Variants in IL12RB2 observed in about 807,000 individuals in gnomAD.
IL12RB2 encodes the protein interleukin-12 receptor subunit beta-2.
A neutral mutation model predicts 89.4 loss-of-function variants in IL12RB2; 82 were observed. That is an observed-to-expected ratio of 0.92 (90% CI 0.77 to 1.10). IL12RB2 has a LOEUF of 1.10. IL12RB2 is among the 50% of genes least tolerant of loss of function. The pLI is 0.00. For missense variants in IL12RB2, 963 were observed against 1,031.9 expected (o/e 0.93, Z 0.92); for synonymous variants, 368 against 370.1 (o/e 0.99, Z 0.07).
In IL12RB2 at chr1:67,396,514, C is replaced by T. The variant is rs72932861; in HGVS notation, c.*425C>T. 1,485 of 241,554 alleles carry T rather than the reference C, an allele frequency of 6.1e-3. 19 individuals carry two copies. Among genetic ancestry groups the T allele is most frequent in the African/African-American group, 0.031 (1,389 of 45,098 alleles). The allele number at this position is 241,554 out of a possible 1,614,324, so 15.0% of individuals were successfully genotyped here. ...TACACAGCAGATCAGTACTGTTCAA[C>T]AGAACTTCCTGAGATGATGGAAATG... On this transcript the variant is annotated 3_prime_UTR_variant, in exon 17 of 17. Coordinates refer to ENST00000674203, the MANE Select transcript of IL12RB2 (RefSeq NM_001374259.2).
At chr1:67,344,608 T>C (rs12562334) in intron 9 of IL12RB2, among the ~76,000 whole-genome samples, 69,852 of 152,118 alleles carry the variant, frequency 0.46, 18,526 homozygotes, top group Non-Finnish European at 0.58. Flanking sequence ...ATACATTTTA[T>C]CTAACCCAGT....
Position 67,380,813 on chromosome 1 carries a change from C to T in IL12RB2, c.1855+690C>T, listed in dbSNP as rs79411372. Among the ~76,000 whole-genome samples the T allele has an allele frequency of 3.4e-3, 518 of 152,306 alleles. 17 individuals are homozygous for T. The East Asian group carries it at 0.073, about 22-fold the overall frequency. On this transcript the variant is annotated intron_variant, in intron 14 of 16. Coordinates refer to ENST00000674203, the MANE Select transcript of IL12RB2 (RefSeq NM_001374259.2). ...TTGATATTACTTGGCTTGTAGGTCT[C>T]TGCTTTCATCTGGCATTCTCCATGT...
chr1:67,390,619 T>C (rs1460478779), intron 16 of IL12RB2, among the ~76,000 whole-genome samples: 2 of 152,010 alleles, frequency 1.3e-5, no homozygotes, highest in Admixed American at 6.6e-5. Flanking sequence ...CATCATTCCA[T>C]TGTGCAAAGA....
chr1:67,344,098 G>A (rs963534039), intron 9 of IL12RB2, among the ~76,000 whole-genome samples: 4 of 152,072 alleles, frequency 2.6e-5, no homozygotes, highest in African/African-American at 4.8e-5. Context: ...GGTTGAGCTC[G>A]CCTAGTGGAG....
Position 67,387,515 on chromosome 1 carries a change from A to G in IL12RB2, c.1946+846A>G, listed in dbSNP as rs533268272. 4.6e-5 allele frequency among the ~76,000 whole-genome samples: 7 copies of G among 151,016 alleles called. No homozygotes were observed. In the South Asian group the frequency reaches 1.5e-3, roughly 32 times the overall value. On this transcript the variant is annotated intron_variant, in intron 15 of 16. Coordinates refer to ENST00000674203, the MANE Select transcript of IL12RB2 (RefSeq NM_001374259.2). ...CAGGAGATGGAGACCATCCTGGCCA[A>G]CATGTTGAAACCCCATCTCTACTAA...
At chr1:67,353,929 T>G (rs1244543040) in intron 10 of IL12RB2, among the ~76,000 whole-genome samples, 2 of 152,244 alleles carry the variant, frequency 1.3e-5, no homozygotes, top group Non-Finnish European at 2.9e-5. Flanking sequence ...GGTGACAACT[T>G]CTCAAATGTC....
Position 67,328,181 on chromosome 1 carries a change from G to C in IL12RB2, c.480-19G>C. 2 of 1,528,748 alleles carry C rather than the reference G, an allele frequency of 1.3e-6. No individual in the cohort carries two copies. Among genetic ancestry groups the C allele is most frequent in the South Asian group, 1.1e-5 (1 of 89,426 alleles). 94.7% of individuals were successfully genotyped at this position (1,528,748 alleles called of 1,614,324 possible). ...GCACATAAAACATGTTGCTACACGT[G>C]GTTGTGTTTTGTTTACAGGCTAAGT... On this transcript the variant is annotated intron_variant, in intron 5 of 16. Transcript: ENST00000674203.
In IL12RB2 at chr1:67,329,599, C is replaced by T. The variant is rs1657784809; in HGVS notation, c.677C>T (p.Pro226Leu). 1.3e-6 allele frequency: 2 copies of T among 1,585,864 alleles called. No homozygotes were observed. The highest frequency in any genetic ancestry group is 1.3e-5 in the African/African-American group (1 of 74,386). Residue 226 changes from proline to leucine, a missense_variant, in exon 7 of 17, where the codon CCT (proline) becomes CTT (leucine). Transcript: ENST00000674203. ...FTFLDIVRPL[P>L]PWDIRIKFQK... ...TCCTGGTTACTAGTGAGGCCTCTTC[C>T]TCCGTGGGACATTAGAATCAAATTT...
intron 9 of IL12RB2, among the ~76,000 whole-genome samples, chr1:67,347,883 C>G (rs137974184): frequency 7.3e-4 from 111 of 152,246 alleles, no homozygotes; most frequent in African/African-American, 2.5e-3. Flanking sequence ...AGAGGGCACT[C>G]AAAAATCTCA....
At chr1:67,312,912 A>G (rs945466346) in intron 1 of IL12RB2, among the ~76,000 whole-genome samples, 1 of 152,244 alleles carries the variant, frequency 6.6e-6, no homozygotes, top group African/African-American at 2.4e-5. Context: ...AATTTGGCTC[A>G]TGTAAACAGT....
chr1:67,312,719 T>TAAA (rs1034033783), intron 1 of IL12RB2, among the ~76,000 whole-genome samples: 1 of 131,076 alleles, frequency 7.6e-6, no homozygotes, highest in African/African-American at 2.8e-5. Flanking sequence ...ACATTGAATT[T>TAAA]AAAAAAAAAA....
In IL12RB2 at chr1:67,353,180, G is replaced by A. The variant is rs2100860008; in HGVS notation, c.1258+2091G>A. 3.3e-5 allele frequency among the ~76,000 whole-genome samples: 5 copies of A among 152,220 alleles called. No homozygotes were observed. In the Middle Eastern group the frequency reaches 0.014, roughly 414 times the overall value. ...CTTTAATCCTACACCAACATTAAAG[G>A]GATGTTGTAGCTATGTTTTTCATTG... On this transcript the variant is annotated intron_variant, in intron 10 of 16. Coordinates refer to ENST00000674203, the MANE Select transcript of IL12RB2 (RefSeq NM_001374259.2).
chr1:67,350,823 G>A (rs759043850), intron 9 of IL12RB2, 47 bp from the exon 10 acceptor site: 15 of 1,608,320 alleles, frequency 9.3e-6, no homozygotes, highest in Admixed American at 1.7e-5. Flanking sequence ...CAGAGCATCA[G>A]TGATCTTGTC....
At chr1:67,390,235 G>A in intron 16 of IL12RB2, 107 bp downstream of exon 16, 1 of 725,552 alleles carries the variant, frequency 1.4e-6, no homozygotes, top group Non-Finnish European at 2.5e-6. Context: ...TCCTATGGTT[G>A]AGCTTAAGTT....
intron 14 of IL12RB2, among the ~76,000 whole-genome samples, chr1:67,386,140 C>T (rs764306215): frequency 4.8e-5 from 6 of 124,656 alleles, no homozygotes; most frequent in African/African-American, 1.2e-4. Flanking sequence ...ACCCGGGAGG[C>T]GGAGATTGCA....
At chr1:67,370,230 C>T (rs1663151929) in intron 11 of IL12RB2, among the ~76,000 whole-genome samples, 1 of 152,068 alleles carries the variant, frequency 6.6e-6, no homozygotes, top group Non-Finnish European at 1.5e-5. Context: ...TTGATTTTCA[C>T]CAGCCTTTTC....
At chr1:67,342,320 A>G (rs1334257092) in intron 9 of IL12RB2, among the ~76,000 whole-genome samples, 1 of 152,186 alleles carries the variant, frequency 6.6e-6, no homozygotes, top group Non-Finnish European at 1.5e-5. Flanking sequence ...TTGGCATCAA[A>G]GGAAGCACCA....
At chr1:67,381,778 A>AG (rs1307538339) in intron 14 of IL12RB2, among the ~76,000 whole-genome samples, 15 of 129,386 alleles carry the variant, frequency 1.2e-4, no homozygotes, top group East Asian at 8.4e-4. Flanking sequence ...AAAAAAAAAA[A>AG]AAAAAAAGAA....
intron 16 of IL12RB2, among the ~76,000 whole-genome samples, chr1:67,395,240 C>G (rs1023490517): frequency 6.6e-6 from 1 of 151,612 alleles, no homozygotes; most frequent in African/African-American, 2.4e-5. Context: ...TGCACTTGAG[C>G]CTGGGTGACA....
Sources: gnomAD v4.1 joint callset for allele counts (sites outside exome capture counted in the v4.1 genomes callset) on GRCh38, gnomAD v4.1.1 for gene constraint, MANE v1.5 for transcripts, NCBI Gene and HGNC (gene_info 2026-07-23, HGNC 2026-07-21) for gene names.